Variants in TMEM53 observed in about 807,000 individuals in gnomAD.
TMEM53 encodes transmembrane protein 53, also known as novel DUF829 domain-containing protein.
TMEM53 carries 14 observed loss-of-function variants against 21.4 expected under a neutral mutation model. The ratio of observed to expected loss-of-function variants is 0.65; its 90% CI spans 0.43 to 1.02. The LOEUF (loss-of-function observed/expected upper bound fraction) is 1.02. Among genes scored for constraint, TMEM53 ranks in the 50% least tolerant of loss-of-function variants. TMEM53 has a pLI of 0.00. For synonymous variants in TMEM53, 148 were observed against 157.4 expected, an observed-to-expected ratio of 0.94 and a Z score of 0.45; for missense variants, 323 against 383.6, an observed-to-expected ratio of 0.84 and a Z score of 1.32.
At chr1:44,656,189 G>C (rs1379010250) in intron 2 of TMEM53, among the ~76,000 whole-genome samples, 1 of 152,150 alleles carries the variant, frequency 6.6e-6, no homozygotes. Context: ...ACAAGGAGCA[G>C]CTTACTACTT....
At chr1:44,665,985 G>GTCT (rs754122029) in intron 1 of TMEM53, among the ~76,000 whole-genome samples, 34,510 of 151,838 alleles carry the variant, frequency 0.23, 5,136 homozygotes, top group Middle Eastern at 0.35. Flanking sequence ...TATCTGATAA[G>GTCT]GGAGTAATAT....
chr1:44,658,997 G>T (rs1285823552), intron 2 of TMEM53, among the ~76,000 whole-genome samples: 1 of 152,096 alleles, frequency 6.6e-6, no homozygotes, highest in Non-Finnish European at 1.5e-5. Flanking sequence ...CCCCCTGCCT[G>T]CCCTCAAGGA....
Position 44,655,829 on chromosome 1 carries a change from A to T in TMEM53, c.184-620T>A, listed in dbSNP as rs554472286. ...TAAAAACAGAGTCCATACTCTCTGG[A>T]CTCAGGGACCTGACACTCAAATGTC... On this transcript the variant is annotated intron_variant, in intron 2 of 2. Coordinates refer to ENST00000372237, the MANE Select transcript of TMEM53 (RefSeq NM_024587.4). This position sits in a 1 kb window ranked among gnomAD's most constrained non-coding sequence, Gnocchi z 4.4. Among the ~76,000 whole-genome samples, 1 of 152,204 alleles carries T rather than the reference A, an allele frequency of 6.6e-6. No homozygotes were observed. The highest frequency in any genetic ancestry group is 2.4e-5 in the African/African-American group (1 of 41,522).
At chr1:44,674,241 C>T in intron 1 of TMEM53, 90 bp downstream of exon 1, 1 of 1,502,246 alleles carries the variant, frequency 6.7e-7, no homozygotes, top group Non-Finnish European at 8.9e-7. Context: ...GAGGGCGGGG[C>T]CGCATGAGGG....
chr1:44,659,546 C>CA (rs1644880277), intron 2 of TMEM53, among the ~76,000 whole-genome samples: 1 of 152,224 alleles, frequency 6.6e-6, no homozygotes, highest in Admixed American at 6.5e-5. Context: ...TGAAAGGTGC[C>CA]ATGGGCAGTC....
chr1:44,657,012 A>T lies in TMEM53; in HGVS notation c.184-1803T>A, dbSNP rs57631049. 3.3e-3 allele frequency among the ~76,000 whole-genome samples: 290 copies of T among 86,628 alleles called. 4 individuals carry two copies. The East Asian group carries it at 0.054, about 16-fold the overall frequency. The allele number at this position is 86,628 out of a possible 152,430, so 56.8% of individuals were successfully genotyped here. A position where few individuals can be genotyped will look rare whatever the true frequency, so the allele number is the denominator to read the frequency against. ...GGGCGACAGAGCAAGACTCTCTCTC[A>T]AAAAAAAAAAAAGAACAACAACAAA... is the stretch of plus-strand genomic sequence containing the variant. On this transcript the variant is annotated intron_variant, in intron 2 of 2. Transcript: ENST00000372237.
chr1:44,671,004 G>A (rs1053661475), intron 1 of TMEM53, among the ~76,000 whole-genome samples: 1 of 152,176 alleles, frequency 6.6e-6, no homozygotes, highest in African/African-American at 2.4e-5. Context: ...CTACAGTGCT[G>A]CCAAGTGATT....
chr1:44,666,901 G>A (rs1004403131), intron 1 of TMEM53, among the ~76,000 whole-genome samples: 2 of 151,680 alleles, frequency 1.3e-5, no homozygotes, highest in Non-Finnish European at 2.9e-5. Flanking sequence ...CTGGAATGCA[G>A]TAGTGAGATC....
intron 2 of TMEM53, 132 bp downstream of exon 2, chr1:44,660,040 TAG>T: frequency 8.8e-7 from 1 of 1,131,748 alleles, no homozygotes; most frequent in Non-Finnish European, 1.2e-6. Flanking sequence ...GTATTTTTAG[TAG>T]AGACAGGGTT....
At chr1:44,667,092 C>T (rs1416606556) in intron 1 of TMEM53, among the ~76,000 whole-genome samples, 1 of 152,008 alleles carries the variant, frequency 6.6e-6, no homozygotes, top group Admixed American at 6.6e-5. Context: ...ATCCTCCCAC[C>T]TTAGCCTCCC....
intron 1 of TMEM53, among the ~76,000 whole-genome samples, chr1:44,669,663 T>A (rs187587010): frequency 6.6e-6 from 1 of 152,204 alleles, no homozygotes; most frequent in African/African-American, 2.4e-5. Flanking sequence ...GGCATGTGGA[T>A]AGAACATGGT....
chr1:44,658,208 C>T (rs923262828), intron 2 of TMEM53, among the ~76,000 whole-genome samples: 1 of 152,184 alleles, frequency 6.6e-6, no homozygotes, highest in Non-Finnish European at 1.5e-5. Flanking sequence ...AGGCCCTCTT[C>T]TGTCCCTCTA....
Position 44,654,325 on chromosome 1 carries a change from A to G in TMEM53, c.*234T>C, listed in dbSNP as rs1251782229. 5.6e-6 allele frequency: 3 copies of G among 533,582 alleles called. No homozygotes were observed. Among genetic ancestry groups the G allele is most frequent in the African/African-American group, 1.9e-5 (1 of 52,842 alleles). 33.1% of individuals were successfully genotyped at this position (533,582 alleles called of 1,614,324 possible). On this transcript the variant is annotated 3_prime_UTR_variant, in exon 3 of 3. Coordinates refer to ENST00000372237, the MANE Select transcript of TMEM53 (RefSeq NM_024587.4). The surrounding 1 kb of genome is among the most constrained non-coding windows in gnomAD (Gnocchi z 7.0). ...ACTTGTCCAAACACAACTGACTGCAAGGCTCCCACAGACACATGCCCAGGC... is the reference window on the plus strand; with the variant it reads ...ACTTGTCCAAACACAACTGACTGCAGGGCTCCCACAGACACATGCCCAGGC...
intron 1 of TMEM53, among the ~76,000 whole-genome samples, chr1:44,660,661 C>G (rs1490985249): frequency 6.6e-6 from 1 of 152,102 alleles, no homozygotes; most frequent in African/African-American, 2.4e-5. Context: ...GGCCTGCGAG[C>G]TAAACTAATT....
In TMEM53 at chr1:44,655,427, T is replaced by C. The variant is rs1644840993; in HGVS notation, c.184-218A>G. Among the ~76,000 whole-genome samples, 1 of 152,140 alleles carries C rather than the reference T, an allele frequency of 6.6e-6. No homozygotes were observed. Among genetic ancestry groups the C allele is most frequent in the African/African-American group, 2.4e-5 (1 of 41,422 alleles). ...GGGAAGGTATACTTAAGGCCCATTT[T>C]TGGACTAATTGCTTCATGCTGGCCA... On this transcript the variant is annotated intron_variant, in intron 2 of 2. Transcript: ENST00000372237. This position sits in a 1 kb window ranked among gnomAD's most constrained non-coding sequence, Gnocchi z 4.4.
At chr1:44,668,926 C>T (rs1644975379) in intron 1 of TMEM53, among the ~76,000 whole-genome samples, 1 of 152,156 alleles carries the variant, frequency 6.6e-6, no homozygotes, top group South Asian at 2.1e-4. Context: ...TGTACAAAAT[C>T]ATATCTCGGT....
chr1:44,673,904 G>A (rs1645046630), intron 1 of TMEM53: 9 of 985,288 alleles, frequency 9.1e-6, no homozygotes, highest in African/African-American at 1.7e-5. Context: ...GCTTCTGCGA[G>A]GATCGGTGAC....
chr1:44,666,664 A>T (rs1168870132), intron 1 of TMEM53, among the ~76,000 whole-genome samples: 1 of 152,246 alleles, frequency 6.6e-6, no homozygotes, highest in Non-Finnish European at 1.5e-5. Flanking sequence ...TATCAAGAAT[A>T]GGCAAATCCA....
chr1:44,654,496 T>G lies in TMEM53; in HGVS notation c.*63A>C. 6.5e-7 allele frequency: 1 copy of G among 1,545,016 alleles called. No individual in the cohort carries two copies. The highest frequency in any genetic ancestry group is 8.8e-7 in the Non-Finnish European group (1 of 1,137,922). On this transcript the variant is annotated 3_prime_UTR_variant, in exon 3 of 3. Transcript: ENST00000372237. This position sits in a 1 kb window ranked among gnomAD's most constrained non-coding sequence, Gnocchi z 7.0. Reference sequence around the variant, plus strand: ...TGAACGAGAAGAGTGCCCGACAGATTGCAGGTTGTGGGGAGGTGTCAGGCA... The same window carrying G: ...TGAACGAGAAGAGTGCCCGACAGATGGCAGGTTGTGGGGAGGTGTCAGGCA...
Sources: allele counts gnomAD v4.1 joint callset (sites outside exome capture counted in the v4.1 genomes callset), GRCh38; gene constraint gnomAD v4.1.1; non-coding constraint Gnocchi (gnomAD v3.1); transcripts MANE v1.5; gene names NCBI Gene and HGNC (gene_info 2026-07-23, HGNC 2026-07-21).